Variants in UQCRQ observed in about 807,000 individuals in gnomAD.
The protein encoded by UQCRQ is cytochrome b-c1 complex subunit 8.
A neutral mutation model predicts 7.9 loss-of-function variants in UQCRQ; 9 were observed. The ratio of observed to expected loss-of-function variants is 1.13; its 90% CI spans 0.68 to 1.98. UQCRQ has a LOEUF of 1.98. Ranked by LOEUF, UQCRQ falls within the 30% of genes most tolerant of loss-of-function variation. The pLI is 0.00. For missense variants in UQCRQ, 112 were observed against 109.7 expected (o/e 1.02, Z -0.10); for synonymous variants, 50 against 41.9 (o/e 1.19, Z -0.75).
Position 132,866,659 on chromosome 5 carries a change from C to T in UQCRQ, c.-42C>T, listed in dbSNP as rs1471825613. 2.0e-5 allele frequency: 12 copies of T among 605,734 alleles called. No individual in the cohort carries two copies. The highest frequency in any genetic ancestry group is 1.1e-4 in the African/African-American group (6 of 53,942). 37.5% of individuals were successfully genotyped at this position (605,734 alleles called of 1,614,324 possible). ...GAAATGACGAACGAGTCAACCGGAT[C>T]GGTGACTGTGGAGGGCGAGCTGAGC... On this transcript the variant is annotated 5_prime_UTR_variant, in exon 1 of 3. Transcript: ENST00000378670.
chr5:132,868,204 T>G lies in UQCRQ; in HGVS notation c.*622T>G, dbSNP rs182652065. On this transcript the variant is annotated 3_prime_UTR_variant, in exon 3 of 3. Coordinates refer to ENST00000378670, the MANE Select transcript of UQCRQ (RefSeq NM_014402.5). ...CATGTTGGCCAGGCTGGTCTGGAAC[T>G]CCTGACCTCAGATGATCTGTGCGCC... Among the ~76,000 whole-genome samples the G allele has an allele frequency of 4.4e-3, 668 of 152,342 alleles. 5 individuals carry two copies. The highest frequency in any genetic ancestry group is 0.015 in the African/African-American group (638 of 41,582).
chr5:132,867,941 G>C lies in UQCRQ; in HGVS notation c.*359G>C, dbSNP rs1342308478. 1 of 334,180 alleles carries C rather than the reference G, an allele frequency of 3.0e-6. No homozygotes were observed. The highest frequency in any genetic ancestry group is 5.8e-6 in the Non-Finnish European group (1 of 172,398). 20.7% of individuals were successfully genotyped at this position (334,180 alleles called of 1,614,324 possible). ...CCTCTGCTCCCATAGCAACAATAAA[G>C]TCTACTAACTATATTGTAATTAGTA... On this transcript the variant is annotated 3_prime_UTR_variant, in exon 3 of 3. Coordinates refer to ENST00000378670, the MANE Select transcript of UQCRQ (RefSeq NM_014402.5).
intron 2 of UQCRQ, 67 bp downstream of exon 2, chr5:132,867,102 C>A (rs1170534747): frequency 6.2e-7 from 1 of 1,600,512 alleles, no homozygotes. Context: ...ACTGCGCCTC[C>A]CCTCTGAGCG....
At chr5:132,866,836 G>C (rs747670585) in intron 1 of UQCRQ, 33 bp from the exon 2 acceptor site, 3 of 1,607,980 alleles carry the variant, frequency 1.9e-6, no homozygotes, top group Non-Finnish European at 2.5e-6. Flanking sequence ...TCGCGAAAGC[G>C]AGCCAAGCGC....
rs13183734 is a variant in UQCRQ at position 132,866,847 on chromosome 5, C to G, written c.-13-22C>G. On this transcript the variant is annotated intron_variant, in intron 1 of 2. Coordinates refer to ENST00000378670, the MANE Select transcript of UQCRQ (RefSeq NM_014402.5). ...CGCTTCGCGAAAGCGAGCCAAGCGC[C>G]TGTCCACCCTCGGTCCTGCAGGGCC... 295 of 1,610,630 alleles carry G rather than the reference C, an allele frequency of 1.8e-4. 2 individuals carry two copies. The highest frequency in any genetic ancestry group is 1.2e-3 in the Middle Eastern group (7 of 5,716).
chr5:132,867,129 C>A, intron 2 of UQCRQ, 94 bp downstream of exon 2: 4 of 1,525,178 alleles, frequency 2.6e-6, no homozygotes, highest in Non-Finnish European at 3.6e-6. Flanking sequence ...GCCGGGCAGG[C>A]GCTCTGTAAC....
rs763831344 is a variant in UQCRQ at position 132,867,045 on chromosome 5, T to G, written c.154+10T>G. 1.2e-6 allele frequency: 2 copies of G among 1,613,532 alleles called. No homozygotes were observed. The highest frequency in any genetic ancestry group is 1.1e-5 in the South Asian group (1 of 91,084). ...TTTCGCGTGGTGCCGCGTGAGTGCC[T>G]TGGGCCCGCGGGAGCGGGAGGCTGG... On this transcript the variant is annotated intron_variant, in intron 2 of 2. Transcript: ENST00000378670.
chr5:132,866,726 C>T (rs1759629976), intron 1 of UQCRQ, 39 bp downstream of exon 1: 3 of 996,256 alleles, frequency 3.0e-6, no homozygotes, highest in East Asian at 5.2e-5. Context: ...GTTCGTGGAC[C>T]CTGGGAGGCT....
chr5:132,866,951 C>T lies in UQCRQ; in HGVS notation c.70C>T (p.Gln24Ter). 6.2e-7 allele frequency: 1 copy of T among 1,614,136 alleles called. No homozygotes were observed. The highest frequency in any genetic ancestry group is 8.5e-7 in the Non-Finnish European group (1 of 1,179,978). ...CAGCTACAGCTTGTCACCGTTCGAG[C>T]AGCGCGCCTATCCGCACGTCTTCAC... Reference protein sequence around the residue: ...VISYSLSPFEQRAYPHVFTKG... With the variant: ...VISYSLSPFE The change falls in exon 2 of 3, where the codon CAG becomes TAG. Residue 24 changes from glutamine (Q) to a stop codon, truncating the protein, a stop_gained. Transcript: ENST00000378670. LOFTEE classifies it high-confidence loss of function.
chr5:132,867,117 C>T, intron 2 of UQCRQ, 82 bp downstream of exon 2: 1 of 1,579,498 alleles, frequency 6.3e-7, no homozygotes, highest in Non-Finnish European at 8.6e-7. Flanking sequence ...TGAGCGCTGG[C>T]GGCCGGGCAG....
chr5:132,867,530 A>C lies in UQCRQ; in HGVS notation c.197A>C (p.Glu66Ala). 3.7e-6 allele frequency: 6 copies of C among 1,614,150 alleles called. No homozygotes were observed. Among genetic ancestry groups the C allele is most frequent in the Non-Finnish European group, 5.1e-6 (6 of 1,180,008 alleles). Residue 66 changes from glutamate (E) to alanine (A), a missense_variant, in exon 3 of 3, where the codon GAG (glutamate) becomes GCG (alanine). Transcript: ENST00000378670. ...CTTATCTACACATGGGGGACTGAAG[A>C]GTTCGAGAGATCCAAGAGGAAGAAT... The part of the protein sequence containing the change: ...FYLIYTWGTE[E>A]FERSKRKNPA...
intron 2 of UQCRQ, 62 bp from the exon 3 acceptor site, chr5:132,867,426 C>G (rs1581255999): frequency 7.4e-7 from 1 of 1,350,084 alleles, no homozygotes; most frequent in Middle Eastern, 1.8e-4. Flanking sequence ...GGACTGAGAC[C>G]TTTTTTTTTC....
In UQCRQ at chr5:132,866,961, A is replaced by T; in HGVS notation, c.80A>T (p.Tyr27Phe). The change falls in exon 2 of 3, where the codon TAT (tyrosine) becomes TTT (phenylalanine). Residue 27 changes from tyrosine to phenylalanine, a missense_variant. Physicochemically the swap from Tyr to Phe is conservative, Grantham distance 22 (BLOSUM62 3). Coordinates refer to ENST00000378670, the MANE Select transcript of UQCRQ (RefSeq NM_014402.5). ...YSLSPFEQRA[Y>F]PHVFTKGIPN... ...TTGTCACCGTTCGAGCAGCGCGCCT[A>T]TCCGCACGTCTTCACTAAAGGAATC... 1 of 1,614,102 alleles carries T rather than the reference A, an allele frequency of 6.2e-7. No homozygotes were observed. The highest frequency in any genetic ancestry group is 1.3e-5 in the African/African-American group (1 of 75,070).
At position 132,868,707 on chromosome 5, in the gene UQCRQ, G is replaced by A. The variant is rs535961753; in HGVS notation, c.*1125G>A. Among the ~76,000 whole-genome samples, 25 of 152,182 alleles carry A rather than the reference G, an allele frequency of 1.6e-4. No homozygotes were observed. The highest frequency in any genetic ancestry group is 5.5e-4 in the African/African-American group (23 of 41,518). ...CCTGAGGGGATATCAGCTATAAAAC[G>A]GATGAGGTGATCTCTTAGCCTCCAC... On this transcript the variant is annotated 3_prime_UTR_variant, in exon 3 of 3. Coordinates refer to ENST00000378670, the MANE Select transcript of UQCRQ (RefSeq NM_014402.5).
rs1326002767 is a variant in UQCRQ, at chr5:132,866,823, G to A, written c.-13-46G>A. The A allele has an allele frequency of 6.2e-6, 10 of 1,603,206 alleles. No individual in the cohort carries two copies. The South Asian group carries it at 7.7e-5, about 12-fold the overall frequency. On this transcript the variant is annotated intron_variant, in intron 1 of 2. Coordinates refer to ENST00000378670, the MANE Select transcript of UQCRQ (RefSeq NM_014402.5). ...GATGGACCCCCGCGGGGACTGCGGC[G>A]CTTCGCGAAAGCGAGCCAAGCGCCT...
chr5:132,866,990 A>G lies in UQCRQ; in HGVS notation c.109A>G (p.Asn37Asp). Reference protein sequence around the residue: ...YPHVFTKGIPNVLRRIRESFF... With the variant: ...YPHVFTKGIPDVLRRIRESFF... ...GCACGTCTTCACTAAAGGAATCCCC[A>G]ATGTTCTGCGCCGCATTCGGGAGTC... The change falls in exon 2 of 3, where the codon AAT becomes GAT. Residue 37 changes from asparagine to aspartate, a missense_variant. By Grantham distance (23) the Asn-to-Asp change is conservative. Coordinates refer to ENST00000378670, the MANE Select transcript of UQCRQ (RefSeq NM_014402.5). The G allele has an allele frequency of 1.2e-6, 2 of 1,614,052 alleles. No homozygotes were observed. Among genetic ancestry groups the G allele is most frequent in the Admixed American group, 1.7e-5 (1 of 60,038 alleles).
rs964272385 is a variant in UQCRQ, at chr5:132,868,777, C to G, written c.*1195C>G. Among the ~76,000 whole-genome samples the G allele has an allele frequency of 1.3e-5, 2 of 152,072 alleles. No individual in the cohort carries two copies. Among genetic ancestry groups the G allele is most frequent in the Admixed American group, 1.3e-4 (2 of 15,266 alleles). On this transcript the variant is annotated 3_prime_UTR_variant, in exon 3 of 3. Coordinates refer to ENST00000378670, the MANE Select transcript of UQCRQ (RefSeq NM_014402.5). ...GCCAGGAGGCCAACAATGTTTTCAA[C>G]CATATGTGGTTCATAAAGCCTCAAA...
In UQCRQ at chr5:132,867,502, T is replaced by C. The variant is rs770054664; in HGVS notation, c.169T>C (p.Tyr57His). ...FRVVPQFVVFYLIYTWGTEEF... is the reference protein window; with the variant it reads ...FRVVPQFVVFHLIYTWGTEEF... ...AATTTTTAAAGAGTTTGTAGTGTTT[T>C]ATCTTATCTACACATGGGGGACTGA... Residue 57 changes from tyrosine (Y) to histidine (H), a missense_variant, in exon 3 of 3, where the codon TAT becomes CAT. Physicochemically the swap from Tyr to His is moderately conservative, Grantham distance 83. Coordinates refer to ENST00000378670, the MANE Select transcript of UQCRQ (RefSeq NM_014402.5). 6 of 1,613,620 alleles carry C rather than the reference T, an allele frequency of 3.7e-6. No homozygotes were observed. The highest frequency in any genetic ancestry group is 1.7e-5 in the Admixed American group (1 of 59,988).
In UQCRQ at chr5:132,868,040, G is replaced by A. The variant is rs1214252935; in HGVS notation, c.*458G>A. Reference sequence around the variant, plus strand: ...CTCTCACCCAGGCTGGAGTGCAGTGGTGTGATCTCGGCTCACTGCCATCTG... The same window carrying A: ...CTCTCACCCAGGCTGGAGTGCAGTGATGTGATCTCGGCTCACTGCCATCTG... On this transcript the variant is annotated 3_prime_UTR_variant, in exon 3 of 3. Coordinates refer to ENST00000378670, the MANE Select transcript of UQCRQ (RefSeq NM_014402.5). The A allele has an allele frequency of 3.5e-5, 7 of 198,792 alleles. No individual in the cohort carries two copies. Among genetic ancestry groups the A allele is most frequent in the African/African-American group, 1.4e-4 (6 of 42,744 alleles). The allele number at this position is 198,792 out of a possible 1,614,324, so 12.3% of individuals were successfully genotyped here.
Sources: gnomAD v4.1 joint callset for allele counts (sites outside exome capture counted in the v4.1 genomes callset) on GRCh38, gnomAD v4.1.1 for gene constraint, MANE v1.5 for transcripts, NCBI Gene and HGNC (gene_info 2026-07-23, HGNC 2026-07-21) for gene names.